PIEZO2: variants seen among roughly 807,000 people sequenced by gnomAD.
PIEZO2 encodes piezo type mechanosensitive ion channel component 2.
PIEZO2 carries 172 observed loss-of-function variants against 337.3 expected under a neutral mutation model. The observed-to-expected ratio is 0.51, with a 90% CI of 0.45 to 0.58. The LOEUF is 0.58. PIEZO2 is among the 20% of genes least tolerant of loss of function. The pLI is 0.00. For synonymous variants in PIEZO2, 1,251 were observed against 1,228.5 expected, an observed-to-expected ratio of 1.02 and a Z score of -0.38; for missense variants, 3,028 against 3,391.3, an observed-to-expected ratio of 0.89 and a Z score of 2.66.
chr18:11,134,829 A>T (rs1210335652), intron 1 of PIEZO2, among the ~76,000 whole-genome samples: 2 of 152,198 alleles, frequency 1.3e-5, no homozygotes, highest in Non-Finnish European at 2.9e-5. Flanking sequence ...GTTTCCCAAT[A>T]GGAATTACAT....
intron 3 of PIEZO2, among the ~76,000 whole-genome samples, chr18:10,977,152 A>T (rs1568259636): frequency 6.6e-6 from 1 of 152,020 alleles, no homozygotes; most frequent in Non-Finnish European, 1.5e-5. Context: ...TTATTTTGAC[A>T]TTTGTAGAAT....
intron 3 of PIEZO2, among the ~76,000 whole-genome samples, chr18:10,938,765 A>T (rs918648137): frequency 6.6e-6 from 1 of 152,248 alleles, no homozygotes; most frequent in African/African-American, 2.4e-5. Flanking sequence ...AGAGATAACT[A>T]GGTAACAATT....
chr18:10,879,521 G>A (rs2042358012), intron 4 of PIEZO2, among the ~76,000 whole-genome samples: 1 of 148,912 alleles, frequency 6.7e-6, no homozygotes, highest in Admixed American at 6.9e-5. Flanking sequence ...TCAGCCTCCT[G>A]AGTAGCTAGG....
At chr18:11,052,357 G>C (rs889931791) in intron 2 of PIEZO2, among the ~76,000 whole-genome samples, 1 of 151,980 alleles carries the variant, frequency 6.6e-6, no homozygotes, top group African/African-American at 2.4e-5. Flanking sequence ...TTCTCACCTG[G>C]GTATCTCATT....
Position 10,759,457 on chromosome 18 carries a change from G to A in PIEZO2, c.3757+25C>T. 6.6e-7 allele frequency: 1 copy of A among 1,515,340 alleles called. No individual in the cohort carries two copies. The highest frequency in any genetic ancestry group is 8.9e-7 in the Non-Finnish European group (1 of 1,127,928). 93.9% of individuals were successfully genotyped at this position (1,515,340 alleles called of 1,614,324 possible). On this transcript the variant is annotated intron_variant, in intron 26 of 55. Coordinates refer to ENST00000674853, the MANE Select transcript of PIEZO2 (RefSeq NM_001378183.1). This position sits in a 1 kb window ranked among gnomAD's most constrained non-coding sequence, Gnocchi z 5.5. ...CAGTAAACCCGGATACCAGCACTCT[G>A]TGGCCCTGCAGTGGAAACACTTACA...
chr18:10,922,820 A>C (rs1328269370), intron 3 of PIEZO2, among the ~76,000 whole-genome samples: 1 of 152,146 alleles, frequency 6.6e-6, no homozygotes, highest in Admixed American at 6.5e-5. Flanking sequence ...TATACTTTTC[A>C]AAGAACTATA....
chr18:11,019,227 T>C (rs970986220), intron 2 of PIEZO2, among the ~76,000 whole-genome samples: 2 of 152,208 alleles, frequency 1.3e-5, no homozygotes, highest in African/African-American at 4.8e-5. Flanking sequence ...ATCATGAACT[T>C]TTCATATGGG....
At chr18:11,124,723 C>T (rs1391062463) in intron 1 of PIEZO2, among the ~76,000 whole-genome samples, 2 of 152,104 alleles carry the variant, frequency 1.3e-5, no homozygotes, top group African/African-American at 4.8e-5. Flanking sequence ...GATCATCTTC[C>T]TGTAGGTAGA....
chr18:10,886,376 GTGTGTATA>G (rs1354616295), intron 4 of PIEZO2, among the ~76,000 whole-genome samples: 496 of 13,780 alleles, frequency 0.036, 27 homozygotes, highest in Middle Eastern at 0.05. Flanking sequence ...ATATGTGTGT[GTGTGTATA>G]TATATATATA....
intron 7 of PIEZO2, among the ~76,000 whole-genome samples, chr18:10,817,126 T>C (rs2040387598): frequency 6.6e-6 from 1 of 152,210 alleles, no homozygotes; most frequent in Admixed American, 6.5e-5. Flanking sequence ...TTGGGAAGCA[T>C]TGAGTTAAAG....
At chr18:10,720,397 GTGTGTGTATGTGTATGTGTATGTATA>G (rs2036235510) in intron 36 of PIEZO2, among the ~76,000 whole-genome samples, 2 of 21,432 alleles carry the variant, frequency 9.3e-5, no homozygotes, top group African/African-American at 2.4e-4. Flanking sequence ...GTGTGTGTGT[GTGTGTGTATGTGTATGTGTATGTATA>G]TATATATATA....
intron 36 of PIEZO2, among the ~76,000 whole-genome samples, chr18:10,719,865 G>T (rs1361217611): frequency 6.6e-6 from 1 of 151,936 alleles, no homozygotes; most frequent in Non-Finnish European, 1.5e-5. Context: ...GTGGTTTAGG[G>T]TTACATATGA....
intron 3 of PIEZO2, among the ~76,000 whole-genome samples, chr18:10,964,248 C>T (rs2033909259): frequency 6.6e-6 from 1 of 151,728 alleles, no homozygotes; most frequent in South Asian, 2.1e-4. Context: ...TAAACATGAG[C>T]AAAAAATAGA....
chr18:10,672,186 A>G lies in PIEZO2; in HGVS notation c.8346-407T>C, dbSNP rs568284235. Among the ~76,000 whole-genome samples, 5 of 152,308 alleles carry G rather than the reference A, an allele frequency of 3.3e-5. No homozygotes were observed. In the East Asian group the frequency reaches 9.6e-4, roughly 29 times the overall value. Reference sequence around the variant, plus strand: ...TCCTTTTAGCAATACTGTCTCTCAGATTAATTTTTATAAAATTCTGGGTGA... The same window carrying G: ...TCCTTTTAGCAATACTGTCTCTCAGGTTAATTTTTATAAAATTCTGGGTGA... On this transcript the variant is annotated intron_variant, in intron 55 of 55. Transcript: ENST00000674853. This position sits in a 1 kb window ranked among gnomAD's most constrained non-coding sequence, Gnocchi z 4.7.
rs1054392378 is a variant in PIEZO2 at position 11,096,775 on chromosome 18, C to G, written c.65-30553G>C. 4.6e-5 allele frequency among the ~76,000 whole-genome samples: 7 copies of G among 152,142 alleles called. No individual in the cohort carries two copies. Among genetic ancestry groups the G allele is most frequent in the Non-Finnish European group, 8.8e-5 (6 of 68,024 alleles). ...TAGTCGCCTACATAGCTCAGGCTGA[C>G]CACACTAACATAAAAAGCACTCATT... On this transcript the variant is annotated intron_variant, in intron 1 of 55. Coordinates refer to ENST00000674853, the MANE Select transcript of PIEZO2 (RefSeq NM_001378183.1). The surrounding 1 kb of genome is among the most constrained non-coding windows in gnomAD (Gnocchi z 4.6).
chr18:10,832,891 C>T (rs915761396), intron 7 of PIEZO2, among the ~76,000 whole-genome samples: 1 of 152,178 alleles, frequency 6.6e-6, no homozygotes, highest in Non-Finnish European at 1.5e-5. Flanking sequence ...CCTGTCTTCA[C>T]CATAGTTTGA....
At chr18:10,804,585 T>A (rs553646243) in intron 8 of PIEZO2, among the ~76,000 whole-genome samples, 1 of 152,344 alleles carries the variant, frequency 6.6e-6, no homozygotes, top group African/African-American at 2.4e-5. Context: ...TCACTGATAC[T>A]GGAGTGGAGT....
In PIEZO2 at chr18:11,054,950, G is replaced by C. The variant is rs1359138209; in HGVS notation, c.160+11177C>G. Among the ~76,000 whole-genome samples the C allele has an allele frequency of 3.3e-5, 5 of 152,140 alleles. No homozygotes were observed. In the South Asian group the frequency reaches 1.0e-3, roughly 32 times the overall value. ...GGGGCAGCCAGGCACGGTGGCTCAC[G>C]CCTGTAATCCCAGCACTTTGGGAGG... On this transcript the variant is annotated intron_variant, in intron 2 of 55. Coordinates refer to ENST00000674853, the MANE Select transcript of PIEZO2 (RefSeq NM_001378183.1).
At position 11,056,114 on chromosome 18, in the gene PIEZO2, G is replaced by A. The variant is rs76182992; in HGVS notation, c.160+10013C>T. Among the ~76,000 whole-genome samples, 440 of 152,262 alleles carry A rather than the reference G, an allele frequency of 2.9e-3. 2 individuals are homozygous for A. Among genetic ancestry groups the A allele is most frequent in the African/African-American group, 9.0e-3 (373 of 41,560 alleles). On this transcript the variant is annotated intron_variant, in intron 2 of 55. Coordinates refer to ENST00000674853, the MANE Select transcript of PIEZO2 (RefSeq NM_001378183.1). ...CAGATTGTCATGCTCTTGCAGTGGG[G>A]GCCTCAGCTGCTGGGATGCTCTGGA...
Sources: allele counts gnomAD v4.1 joint callset (sites outside exome capture counted in the v4.1 genomes callset), GRCh38; gene constraint gnomAD v4.1.1; non-coding constraint Gnocchi (gnomAD v3.1); transcripts MANE v1.5; gene names NCBI Gene and HGNC (gene_info 2026-07-23, HGNC 2026-07-21).